The following PTPN13 variants were observed in gnomAD, a reference collection of about 807,000 sequenced individuals.
The protein encoded by PTPN13 is tyrosine-protein phosphatase non-receptor type 13.
PTPN13 carries 191 observed loss-of-function variants against 284.0 expected under a neutral mutation model. The observed-to-expected ratio is 0.67, with a 90% CI of 0.60 to 0.76. PTPN13 has a LOEUF of 0.76. Among genes scored for constraint, PTPN13 ranks in the 30% least tolerant of loss-of-function variants. The probability of loss-of-function intolerance (pLI) is 0.00; values close to 1 mark genes in which losing one functional copy is unlikely to be tolerated. For missense variants in PTPN13, 2,797 were observed against 2,939.9 expected (o/e 0.95, Z 1.12); for synonymous variants, 986 against 1,022.3 (o/e 0.96, Z 0.68).
In PTPN13 at chr4:86,775,469, G is replaced by T. The variant is rs766893925; in HGVS notation, c.5708G>T (p.Ser1903Ile). 6.2e-7 allele frequency: 1 copy of T among 1,608,704 alleles called. No individual in the cohort carries two copies. Among genetic ancestry groups the T allele is most frequent in the South Asian group, 1.1e-5 (1 of 90,898 alleles). Reference protein sequence around the residue: ...LGFSLCGGHDSLYQVVYISDI... With the variant: ...LGFSLCGGHDILYQVVYISDI... ...TTTTCCTTATGTGGAGGTCATGACA[G>T]CCTTTATCAAGTGGTATATATTAGT... Residue 1903 changes from serine to isoleucine, a missense_variant, in exon 35 of 48, where the codon AGC becomes ATC. By Grantham distance (142) the Ser-to-Ile change is moderately radical (BLOSUM62 -2). Coordinates refer to ENST00000411767, the MANE Select transcript of PTPN13 (RefSeq NM_080683.3).
chr4:86,670,760 A>G (rs1335647181), intron 2 of PTPN13, among the ~76,000 whole-genome samples: 1 of 152,196 alleles, frequency 6.6e-6, no homozygotes, highest in Non-Finnish European at 1.5e-5. Flanking sequence ...TGCAAGGGAA[A>G]TATTGTTTTG....
At position 86,659,336 on chromosome 4, in the gene PTPN13, TCA is replaced by T. The variant is rs139503628; in HGVS notation, c.116-13028_116-13027del. On this transcript the variant is annotated intron_variant, in intron 2 of 47. Transcript: ENST00000411767. ...TCTAACACTCATAACATATGCCAAT[TCA>T]GACTCTAAATTTTATCAAAAATATT... is the stretch of plus-strand genomic sequence containing the variant. Among the ~76,000 whole-genome samples the T allele has an allele frequency of 4.9e-3, 749 of 152,262 alleles. 11 individuals carry two copies. Among genetic ancestry groups the T allele is most frequent in the African/African-American group, 0.017 (702 of 41,554 alleles).
chr4:86,680,080 A>T (rs1728709840), intron 3 of PTPN13, among the ~76,000 whole-genome samples: 1 of 152,142 alleles, frequency 6.6e-6, no homozygotes, highest in African/African-American at 2.4e-5. Context: ...TTAGAAAGTG[A>T]AATAAGGTAA....
chr4:86,636,630 G>T (rs563626401), intron 2 of PTPN13, among the ~76,000 whole-genome samples: 17 of 152,096 alleles, frequency 1.1e-4, no homozygotes, highest in African/African-American at 4.1e-4. Flanking sequence ...TGAAACCAAC[G>T]AGAACAAAGA....
At chr4:86,623,942 A>G (rs745853052) in intron 1 of PTPN13, among the ~76,000 whole-genome samples, 1 of 152,110 alleles carries the variant, frequency 6.6e-6, no homozygotes, top group Non-Finnish European at 1.5e-5. Flanking sequence ...TGTCTTCTCC[A>G]TAGGACCAGT....
At chr4:86,620,712 T>G (rs1367823012) in intron 1 of PTPN13, among the ~76,000 whole-genome samples, 1 of 152,172 alleles carries the variant, frequency 6.6e-6, no homozygotes, top group Non-Finnish European at 1.5e-5. Flanking sequence ...TTGTGTATAG[T>G]TTACATTTTC....
intron 1 of PTPN13, among the ~76,000 whole-genome samples, chr4:86,633,117 A>G (rs1346193831): frequency 2.6e-5 from 4 of 152,052 alleles, no homozygotes; most frequent in Non-Finnish European, 4.4e-5. Context: ...TCACCCTTAT[A>G]AAGTGTACCT....
chr4:86,633,260 C>T (rs963969111), intron 1 of PTPN13, among the ~76,000 whole-genome samples: 1 of 152,152 alleles, frequency 6.6e-6, no homozygotes, highest in African/African-American at 2.4e-5. Flanking sequence ...CCCTCTCTTA[C>T]CCTGAGCAGT....
Position 86,767,898 on chromosome 4 carries a change from G to T in PTPN13, c.4411G>T (p.Asp1471Tyr), listed in dbSNP as rs778128976. 3.0e-5 allele frequency: 48 copies of T among 1,609,102 alleles called. No homozygotes were observed. Among genetic ancestry groups the T allele is most frequent in the Non-Finnish European group, 4.0e-5 (47 of 1,177,608 alleles). The change falls in exon 28 of 48, where the codon GAT (aspartate) becomes TAT (tyrosine). Residue 1471 changes from aspartate (D) to tyrosine (Y), a missense_variant. Physicochemically the swap from Asp to Tyr is radical, Grantham distance 160. Coordinates refer to ENST00000411767, the MANE Select transcript of PTPN13 (RefSeq NM_080683.3). ...VPVTPQCTLS[D>Y]QNAQGQGPEK... ...GGTAACCCCACAGTGTACCCTTTCA[G>T]ATCAGAATGCCCAAGGTCAAGGCCC...
At chr4:86,807,004 C>G (rs1744729821) in intron 44 of PTPN13, among the ~76,000 whole-genome samples, 1 of 151,884 alleles carries the variant, frequency 6.6e-6, no homozygotes, top group African/African-American at 2.4e-5. Flanking sequence ...CTGTTATTTT[C>G]TTTATTGTGT....
chr4:86,735,701 C>T lies in PTPN13; in HGVS notation c.2259C>T (p.Thr753=), dbSNP rs139491694. ...AAGAGTTACCCAAATTGCATAATAC[C>T]TATGTGGGAGCTTCTGAAAAAGAGA... ...IKEELPKLHN[T]YVGASEKETE... is the part of the protein sequence containing the mutation. The change falls in exon 15 of 48, where the codon ACC becomes ACT. Residue 753 remains threonine (T), a synonymous_variant. Coordinates refer to ENST00000411767, the MANE Select transcript of PTPN13 (RefSeq NM_080683.3). 9.9e-6 allele frequency: 16 copies of T among 1,612,460 alleles called. No individual in the cohort carries two copies. In the East Asian group the frequency reaches 3.6e-4, roughly 36 times the overall value.
intron 12 of PTPN13, 148 bp from the exon 13 acceptor site, chr4:86,734,155 A>T: frequency 1.6e-6 from 1 of 635,902 alleles, no homozygotes. Flanking sequence ...GGAGTGTCTC[A>T]GAGCTCCCTG....
In PTPN13 at chr4:86,799,099, A is replaced by G; in HGVS notation, c.6402-2A>G. On this transcript the variant is annotated splice_acceptor_variant, in intron 41 of 47. Coordinates refer to ENST00000411767, the MANE Select transcript of PTPN13 (RefSeq NM_080683.3). LOFTEE classifies it high-confidence loss of function. ...TGTTTCAAATATGTTTTGTTTTCAT[A>G]GCTTAATTCAGAAGCCACAAGAAAA... The G allele has an allele frequency of 1.3e-6, 2 of 1,541,208 alleles. No homozygotes were observed. The highest frequency in any genetic ancestry group is 2.1e-5 in the Admixed American group (1 of 47,748).
intron 7 of PTPN13, among the ~76,000 whole-genome samples, chr4:86,702,941 T>A (rs911120042): frequency 8.5e-5 from 13 of 152,254 alleles, no homozygotes; most frequent in African/African-American, 2.6e-4. Context: ...TATTAATATA[T>A]TTCCTTTAAA....
At chr4:86,603,652 T>C (rs1764506186) in intron 1 of PTPN13, among the ~76,000 whole-genome samples, 1 of 152,164 alleles carries the variant, frequency 6.6e-6, no homozygotes. Context: ...GCATCTCTTA[T>C]ACCCAGTTCC....
intron 12 of PTPN13, 43 bp from the exon 13 acceptor site, chr4:86,734,260 G>C: frequency 1.5e-6 from 2 of 1,361,316 alleles, no homozygotes; most frequent in Non-Finnish European, 2.0e-6. Context: ...AAACACTAAA[G>C]TATTTTTTTA....
intron 35 of PTPN13, 25 bp from the exon 36 acceptor site, chr4:86,780,377 A>T: frequency 6.3e-7 from 1 of 1,584,796 alleles, no homozygotes; most frequent in Non-Finnish European, 8.6e-7. Context: ...AAGACAATTT[A>T]CAGTTGTCTT....
At chr4:86,760,639 C>T (rs1033927970) in intron 23 of PTPN13, among the ~76,000 whole-genome samples, 11 of 152,024 alleles carry the variant, frequency 7.2e-5, no homozygotes, top group Non-Finnish European at 1.0e-4. Flanking sequence ...TAACAAGAGG[C>T]CCAAGGTGCC....
chr4:86,805,442 A>AACTT, intron 44 of PTPN13, 73 bp downstream of exon 44: 1 of 799,826 alleles, frequency 1.3e-6, no homozygotes, highest in East Asian at 2.9e-5. Flanking sequence ...TTTTGTGTTT[A>AACTT]ACTTACCTAT....
Sources: gnomAD v4.1 joint callset for allele counts (sites outside exome capture counted in the v4.1 genomes callset) on GRCh38, gnomAD v4.1.1 for gene constraint, MANE v1.5 for transcripts, NCBI Gene and HGNC (gene_info 2026-07-23, HGNC 2026-07-21) for gene names.